CYFIP1: variants seen among roughly 807,000 people sequenced by gnomAD.
CYFIP1 encodes the protein cytoplasmic FMR1-interacting protein 1.
CYFIP1 carries 58 observed loss-of-function variants against 163.5 expected under a neutral mutation model. That is an observed-to-expected ratio of 0.35 (90% CI 0.29 to 0.44). The LOEUF (loss-of-function observed/expected upper bound fraction) is 0.44, where lower values mean the gene tolerates loss of function less well. Ranked by LOEUF, CYFIP1 falls within the 20% of genes least tolerant of loss-of-function variation. The probability of loss-of-function intolerance (pLI) is 1.00; values close to 1 mark genes in which losing one functional copy is unlikely to be tolerated. For synonymous variants in CYFIP1, 663 were observed against 660.7 expected (o/e 1.00, Z -0.05); for missense variants, 1,338 against 1,653.8 (o/e 0.81, Z 3.31).
intron 21 of CYFIP1, among the ~76,000 whole-genome samples, chr15:22,906,478 T>G (rs2060585282): frequency 6.7e-6 from 1 of 148,560 alleles, no homozygotes; most frequent in Admixed American, 6.7e-5. Flanking sequence ...TTTTTTTTTT[T>G]TTTTTGAGAC....
chr15:22,889,594 G>A (rs757177396), intron 23 of CYFIP1, among the ~76,000 whole-genome samples: 8 of 152,256 alleles, frequency 5.3e-5, no homozygotes, highest in South Asian at 2.1e-4. Context: ...CATCAGAACC[G>A]CAGGTGCACG....
At chr15:22,888,973 C>T (rs2059995623) in intron 23 of CYFIP1, among the ~76,000 whole-genome samples, 2 of 151,642 alleles carry the variant, frequency 1.3e-5, no homozygotes, top group African/African-American at 2.4e-5. Context: ...TCACAATAAT[C>T]ACTGGAGGTT....
chr15:22,935,342 T>C (rs1487894285), intron 9 of CYFIP1, among the ~76,000 whole-genome samples: 1 of 152,084 alleles, frequency 6.6e-6, no homozygotes, highest in Non-Finnish European at 1.5e-5. Flanking sequence ...TTGCAATAAA[T>C]GGGCAGGCCC....
intron 1 of CYFIP1, among the ~76,000 whole-genome samples, chr15:22,976,708 C>T (rs1261777586): frequency 1.3e-5 from 2 of 152,132 alleles, no homozygotes; most frequent in Non-Finnish European, 2.9e-5. Flanking sequence ...GTAAATTAAG[C>T]TTTATCATAG....
chr15:22,960,503 C>A (rs1205416043), intron 1 of CYFIP1, among the ~76,000 whole-genome samples: 1 of 152,208 alleles, frequency 6.6e-6, no homozygotes, highest in African/African-American at 2.4e-5. Flanking sequence ...CTCAGGTAAA[C>A]CAGAATCCTG....
intron 29 of CYFIP1, 60 bp from the exon 30 acceptor site, chr15:22,873,032 C>T (rs1243323823): frequency 6.3e-7 from 1 of 1,581,868 alleles, no homozygotes; most frequent in African/African-American, 1.3e-5. Context: ...AGTCTTTTCT[C>T]AGTCTGTCTC....
At chr15:22,973,455 A>T in intron 1 of CYFIP1, among the ~76,000 whole-genome samples, 1 of 151,736 alleles carries the variant, frequency 6.6e-6, no homozygotes, top group South Asian at 2.1e-4. Context: ...CTGTCTCTGT[A>T]TATTTGCCTA....
intron 22 of CYFIP1, among the ~76,000 whole-genome samples, chr15:22,894,098 CCT>C (rs2060155471): frequency 2.0e-5 from 3 of 152,148 alleles, no homozygotes; most frequent in African/African-American, 7.2e-5. Flanking sequence ...CACTCATCAA[CCT>C]CTGTCCACCT....
chr15:22,918,893 T>C (rs1489054805), intron 13 of CYFIP1, 35 bp from the exon 14 acceptor site: 1 of 1,535,764 alleles, frequency 6.5e-7, no homozygotes, highest in Non-Finnish European at 8.8e-7. Flanking sequence ...CGGCCCTTCT[T>C]AGGGATGGCA....
At chr15:22,891,425 AAAAAAAT>A (rs565429100) in intron 23 of CYFIP1, among the ~76,000 whole-genome samples, 3 of 152,198 alleles carry the variant, frequency 2.0e-5, no homozygotes, top group Non-Finnish European at 4.4e-5. Flanking sequence ...ACTCCATCTC[AAAAAAAT>A]AAAAAATAAA....
chr15:22,871,882 G>A (rs1252469387), intron 30 of CYFIP1, among the ~76,000 whole-genome samples: 4 of 152,204 alleles, frequency 2.6e-5, no homozygotes, highest in Non-Finnish European at 4.4e-5. Context: ...ATGAGACTGA[G>A]CAGAGGACCC....
intron 13 of CYFIP1, 39 bp from the exon 14 acceptor site, chr15:22,918,897 G>A (rs1247291767): frequency 1.3e-6 from 2 of 1,522,338 alleles, no homozygotes; most frequent in Admixed American, 1.9e-5. Context: ...CCTTCTTAGG[G>A]ATGGCACCAA....
intron 8 of CYFIP1, among the ~76,000 whole-genome samples, chr15:22,937,442 A>C (rs2061746710): frequency 1.3e-5 from 2 of 152,168 alleles, no homozygotes; most frequent in Admixed American, 6.5e-5. Context: ...CGGAAAAAAC[A>C]AATCCTCTCC....
Position 22,974,914 on chromosome 15 carries a change from C to A in CYFIP1, c.-7+5373G>T, listed in dbSNP as rs181806840. Reference sequence around the variant, plus strand: ...CCTGCCTCTCTAGCCCCTCCTTCCACCTCCCTCCACTTCTGCCTTTGCCAC... The same window carrying A: ...CCTGCCTCTCTAGCCCCTCCTTCCAACTCCCTCCACTTCTGCCTTTGCCAC... On this transcript the variant is annotated intron_variant, in intron 1 of 30. Coordinates refer to ENST00000617928, the MANE Select transcript of CYFIP1 (RefSeq NM_014608.6). 2.6e-3 allele frequency among the ~76,000 whole-genome samples: 354 copies of A among 134,792 alleles called. 6 individuals are homozygous for A. The highest frequency in any genetic ancestry group is 9.9e-3 in the African/African-American group (338 of 34,286). 88.4% of individuals were successfully genotyped at this position (134,792 alleles called of 152,430 possible).
In CYFIP1 at chr15:22,912,379, C is replaced by G; in HGVS notation, c.1986-104G>C. 4 of 845,596 alleles carry G rather than the reference C, an allele frequency of 4.7e-6. No individual in the cohort carries two copies. In the South Asian group the frequency reaches 7.4e-5, roughly 16 times the overall value. 52.4% of individuals were successfully genotyped at this position (845,596 alleles called of 1,614,324 possible). ...ACTCAACTCCATTTTCCACCTCTCA[C>G]GTAAGGAAAAACAACTTTCACTTCA... On this transcript the variant is annotated intron_variant, in intron 17 of 30. Transcript: ENST00000617928.
chr15:22,917,743 G>T lies in CYFIP1; in HGVS notation c.1674+45C>A, dbSNP rs757829513. ...CCCACCCGCTCACAGCTCAGGGTGG[G>T]TCCCCCCAGGGAGAGGGTGCAGGCG... is the stretch of plus-strand genomic sequence containing the variant. On this transcript the variant is annotated intron_variant, in intron 15 of 30. Coordinates refer to ENST00000617928, the MANE Select transcript of CYFIP1 (RefSeq NM_014608.6). This position sits in a 1 kb window ranked among gnomAD's most constrained non-coding sequence, Gnocchi z 4.2. 2 of 1,511,394 alleles carry T rather than the reference G, an allele frequency of 1.3e-6. No homozygotes were observed. The highest frequency in any genetic ancestry group is 2.0e-5 in the Admixed American group (1 of 50,476). 93.6% of individuals were successfully genotyped at this position (1,511,394 alleles called of 1,614,324 possible). A position where few individuals can be genotyped will look rare whatever the true frequency, so the allele number is the denominator to read the frequency against.
At chr15:22,943,534 G>A (rs936286912) in intron 5 of CYFIP1, among the ~76,000 whole-genome samples, 180 bp from the exon 6 acceptor site, 32 of 152,194 alleles carry the variant, frequency 2.1e-4, no homozygotes, top group Non-Finnish European at 5.9e-5. Context: ...AGCTCCCACT[G>A]CCTGCTCTGC....
At chr15:22,953,415 T>C (rs772301115) in intron 1 of CYFIP1, among the ~76,000 whole-genome samples, 1 of 152,144 alleles carries the variant, frequency 6.6e-6, no homozygotes, top group Non-Finnish European at 1.5e-5. Context: ...ACAAAGGCAA[T>C]GCGTGACTCC....
chr15:22,939,319 G>C lies in CYFIP1; in HGVS notation c.668C>G (p.Ser223Cys), dbSNP rs1306697119. 2 of 1,614,030 alleles carry C rather than the reference G, an allele frequency of 1.2e-6. No homozygotes were observed. Among genetic ancestry groups the C allele is most frequent in the Non-Finnish European group, 8.5e-7 (1 of 1,180,024 alleles). ...FLANHNKITQ[S>C]LQQQLEVISG... is the part of the protein sequence containing the mutation. ...AATCACTTCGAGCTGCTGCTGCAGA[G>C]ACTGAAACACAGAGCAAGAGACTCA... The change falls in exon 8 of 31, where the codon TCT (serine) becomes TGT (cysteine). Residue 223 changes from serine to cysteine, a missense_variant and splice_region_variant. Ser to Cys is a moderately radical substitution (Grantham distance 112, BLOSUM62 -1). Around this residue, in one of 4 missense-constraint regions of CYFIP1, gnomAD observed 824 missense variants for 995.7 expected, o/e 0.83. Coordinates refer to ENST00000617928, the MANE Select transcript of CYFIP1 (RefSeq NM_014608.6).
Sources: gnomAD v4.1 joint callset for allele counts (sites outside exome capture counted in the v4.1 genomes callset) on GRCh38, gnomAD v4.1.1 for gene constraint, gnomAD v4.1.1 regional missense constraint, Gnocchi (gnomAD v3.1) non-coding constraint, MANE v1.5 for transcripts, NCBI Gene and HGNC (gene_info 2026-07-23, HGNC 2026-07-21) for gene names.